Variants in TUBB8 observed in about 807,000 individuals in gnomAD.
TUBB8 encodes tubulin beta 8 class VIII, also known as tubulin beta-8 chain.
In TUBB8, 25 loss-of-function variants were observed where a neutral mutation model predicts 33.7. That is an observed-to-expected ratio of 0.74 (90% CI 0.54 to 1.04). TUBB8 has a LOEUF of 1.04. TUBB8 is among the 50% of genes least tolerant of loss of function. The pLI is 0.00. For missense variants in TUBB8, 279 were observed against 608.0 expected (o/e 0.46, Z 5.69); for synonymous variants, 245 against 240.1 (o/e 1.02, Z -0.19).
chr10:55,133 C>T (rs1182366176), intron 1 of TUBB8, among the ~76,000 whole-genome samples: 17,670 of 118,592 alleles, frequency 0.15, no homozygotes, highest in African/African-American at 0.27. Flanking sequence ...AGGAAACTTA[C>T]AGTCATGGCG....
chr10:54,908 A>C (rs1210436749), intron 1 of TUBB8, among the ~76,000 whole-genome samples: 1 of 152,106 alleles, frequency 6.6e-6, no homozygotes, highest in Non-Finnish European at 1.5e-5. Context: ...CAGGCACCTG[A>C]CATGATGCCC....
intron 1 of TUBB8, among the ~76,000 whole-genome samples, chr10:60,747 A>C (rs1834587764): frequency 6.6e-6 from 1 of 152,208 alleles, no homozygotes; most frequent in Non-Finnish European, 1.5e-5. Flanking sequence ...AAGGACTGTA[A>C]ATCATGCTGC....
intron 1 of TUBB8, among the ~76,000 whole-genome samples, chr10:67,769 A>C (rs1250089974): frequency 3.3e-5 from 5 of 152,132 alleles, no homozygotes; most frequent in Non-Finnish European, 5.9e-5. Flanking sequence ...TCCAAATAAT[A>C]TTATTACTGT....
At chr10:71,458 AC>A (rs1314767437) in intron 1 of TUBB8, among the ~76,000 whole-genome samples, 11 of 151,288 alleles carry the variant, frequency 7.3e-5, no homozygotes, top group Non-Finnish European at 1.5e-4. Context: ...ATATGGTGAA[AC>A]CCCATCTCTA....
At chr10:46,857 A>G, downstream of TUBB8, 2 of 459,418 alleles carry the variant, frequency 4.4e-6, no homozygotes, top group Non-Finnish European at 7.8e-6. Flanking sequence ...CAGTAGCCAG[A>G]GGGCCCATAG....
intron 1 of TUBB8, among the ~76,000 whole-genome samples, chr10:69,932 T>C (rs1834716021): frequency 6.6e-6 from 1 of 152,122 alleles, no homozygotes; most frequent in African/African-American, 2.4e-5. Flanking sequence ...CAGAATTCTC[T>C]CTCTTCTGCT....
upstream of TUBB8, among the ~76,000 whole-genome samples, chr10:76,189 T>A (rs1834812170): frequency 6.7e-6 from 1 of 150,286 alleles, no homozygotes; most frequent in African/African-American, 2.4e-5. Context: ...GGCGTCTGTT[T>A]CCTCGGCCTC....
At chr10:54,241 C>T (rs1176494351), upstream of TUBB8, among the ~76,000 whole-genome samples, 2 of 151,588 alleles carry the variant, frequency 1.3e-5, no homozygotes, top group Non-Finnish European at 3.0e-5. Flanking sequence ...ATCTCTATGA[C>T]ATCAATTGTT....
At chr10:48,532 C>G (rs1554738749) in intron 3 of TUBB8, 83 bp downstream of exon 3, 24 of 1,349,732 alleles carry the variant, frequency 1.8e-5, no homozygotes, top group South Asian at 2.3e-5. Context: ...CTCCACAGTT[C>G]CCAGAGGATG....
At chr10:55,935 G>A (rs1358386022) in intron 1 of TUBB8, among the ~76,000 whole-genome samples, 1 of 152,164 alleles carries the variant, frequency 6.6e-6, no homozygotes, top group African/African-American at 2.4e-5. Flanking sequence ...CTCCAGTTTT[G>A]GTTTATATAC....
At chr10:69,467 G>A (rs75125992) in intron 1 of TUBB8, among the ~76,000 whole-genome samples, 2 of 151,658 alleles carry the variant, frequency 1.3e-5, no homozygotes, top group Non-Finnish European at 1.5e-5. Context: ...AAAACAAAAT[G>A]TAATTATTTC....
At chr10:75,654 C>CAAA (rs35362588), upstream of TUBB8, among the ~76,000 whole-genome samples, 4 of 93,526 alleles carry the variant, frequency 4.3e-5, no homozygotes, top group African/African-American at 8.9e-5. Context: ...GACTCTGTCT[C>CAAA]AAAAAAAAAA....
chr10:54,716 T>G (rs1282216050), intron 1 of TUBB8, among the ~76,000 whole-genome samples: 11 of 152,228 alleles, frequency 7.2e-5, no homozygotes, highest in African/African-American at 2.7e-4. Context: ...TGTAGTGTAT[T>G]AGTCTGTTTC....
intron 1 of TUBB8, among the ~76,000 whole-genome samples, chr10:67,153 G>GTT (rs199984115): frequency 3.6e-5 from 5 of 140,370 alleles, no homozygotes; most frequent in African/African-American, 1.3e-4. Context: ...TTTTTTTGTT[G>GTT]TTTTTTTTTT....
At chr10:75,350 T>TGAAAC (rs1564214999), upstream of TUBB8, among the ~76,000 whole-genome samples, 1 of 119,824 alleles carries the variant, frequency 8.3e-6, no homozygotes, top group Admixed American at 8.2e-5. Context: ...CCTTCTCTCT[T>TGAAAC]AAAACAAAAC....
chr10:49,172 G>C lies in TUBB8; in HGVS notation c.57+10C>G, dbSNP rs1162403043. The C allele has an allele frequency of 6.4e-7, 1 of 1,567,486 alleles. No homozygotes were observed. The highest frequency in any genetic ancestry group is 8.6e-7 in the Non-Finnish European group (1 of 1,157,232). On this transcript the variant is annotated intron_variant, in intron 1 of 3. Coordinates refer to ENST00000568584, the MANE Select transcript of TUBB8 (RefSeq NM_177987.3). ...GCCCGGGCTAGGCCCTCAGAGCCCCGGCTGCCAACCTTGGCGCCGATCTGA... is the reference window on the plus strand; with the variant it reads ...GCCCGGGCTAGGCCCTCAGAGCCCCCGCTGCCAACCTTGGCGCCGATCTGA...
rs202177649 is a variant in TUBB8, at chr10:72,978, G to GA, written c.-846+990dup. On this transcript the variant is annotated intron_variant, in intron 1 of 3. Transcript: ENST00000564130. ...TTATTTAAAATGCTGAAGGCCAAGG[G>GA]AAAAAAAAAAAGATTAGTGACTTTC... 7.1e-3 allele frequency among the ~76,000 whole-genome samples: 1,003 copies of GA among 141,146 alleles called. 6 individuals are homozygous for GA. The highest frequency in any genetic ancestry group is 0.021 in the African/African-American group (781 of 37,984). The allele number at this position is 141,146 out of a possible 152,430, so 92.6% of individuals were successfully genotyped here. A position where few individuals can be genotyped will look rare whatever the true frequency, so the allele number is the denominator to read the frequency against.
chr10:51,448 A>G (rs1834467653), upstream of TUBB8, among the ~76,000 whole-genome samples: 1 of 152,214 alleles, frequency 6.6e-6, no homozygotes, highest in Non-Finnish European at 1.5e-5. Flanking sequence ...CATGTAGAAG[A>G]TGTAACTTTG....
At chr10:67,153 GTT>G (rs199984115) in intron 1 of TUBB8, among the ~76,000 whole-genome samples, 7,942 of 140,394 alleles carry the variant, frequency 0.057, 400 homozygotes, top group African/African-American at 0.16. Context: ...TTTTTTTGTT[GTT>G]TTTTTTTTTT....
Sources: gnomAD v4.1 joint callset for allele counts (sites outside exome capture counted in the v4.1 genomes callset) on GRCh38, gnomAD v4.1.1 for gene constraint, MANE v1.5 for transcripts, NCBI Gene and HGNC (gene_info 2026-07-23, HGNC 2026-07-21) for gene names.